The following HS6ST3 variants were observed in gnomAD, a reference collection of about 807,000 sequenced individuals.
HS6ST3 encodes heparan sulfate 6-O-sulfotransferase 3, also known as heparan-sulfate 6-O-sulfotransferase 3.
Under a neutral mutation model 36.7 loss-of-function variants are expected in HS6ST3, and 12 were observed. That is an observed-to-expected ratio of 0.33 (90% CI 0.21 to 0.53). HS6ST3 has a LOEUF of 0.53. Among genes scored for constraint, HS6ST3 ranks in the 20% least tolerant of loss-of-function variants. HS6ST3 has a pLI of 0.95. For missense variants in HS6ST3, 584 were observed against 640.9 expected, an observed-to-expected ratio of 0.91 and a Z score of 0.96; for synonymous variants, 240 against 257.5, an observed-to-expected ratio of 0.93 and a Z score of 0.65.
intron 1 of HS6ST3, among the ~76,000 whole-genome samples, chr13:96,261,729 T>A (rs2054667440): frequency 6.6e-6 from 1 of 152,174 alleles, no homozygotes; most frequent in Admixed American, 6.5e-5. Flanking sequence ...TTCTCCAAAG[T>A]GTGGCAATTG....
At chr13:96,253,398 G>A (rs765961738) in intron 1 of HS6ST3, among the ~76,000 whole-genome samples, 1 of 152,180 alleles carries the variant, frequency 6.6e-6, no homozygotes, top group Non-Finnish European at 1.5e-5. Context: ...GGCCAAGGGG[G>A]CCTTTCGTAC....
At chr13:96,201,353 G>A (rs916181656) in intron 1 of HS6ST3, among the ~76,000 whole-genome samples, 2 of 151,994 alleles carry the variant, frequency 1.3e-5, no homozygotes, top group Non-Finnish European at 2.9e-5. Context: ...GATTAGGCCA[G>A]TTGGGATAAT....
chr13:96,642,330 T>G (rs1214678282), intron 1 of HS6ST3, among the ~76,000 whole-genome samples: 2 of 151,926 alleles, frequency 1.3e-5, no homozygotes, highest in African/African-American at 4.8e-5. Context: ...TATCCTTGAC[T>G]TTTAGCCATT....
intron 1 of HS6ST3, among the ~76,000 whole-genome samples, chr13:96,476,316 G>C (rs761662574): frequency 2.0e-5 from 3 of 152,078 alleles, no homozygotes; most frequent in Admixed American, 1.3e-4. Context: ...GGGACAGAGA[G>C]CCAGAGAACT....
At chr13:96,429,192 A>G (rs1354379559) in intron 1 of HS6ST3, among the ~76,000 whole-genome samples, 2 of 152,238 alleles carry the variant, frequency 1.3e-5, no homozygotes, top group African/African-American at 4.8e-5. Context: ...AAACTTTACA[A>G]GAACAGCTTT....
chr13:96,329,486 C>G (rs1374960667), intron 1 of HS6ST3, among the ~76,000 whole-genome samples: 6 of 147,746 alleles, frequency 4.1e-5, no homozygotes, highest in African/African-American at 1.5e-4. Flanking sequence ...ATGTAGTTGA[C>G]CGGTTTTGAG....
At chr13:96,708,071 G>A (rs1192506564) in intron 1 of HS6ST3, among the ~76,000 whole-genome samples, 1 of 152,190 alleles carries the variant, frequency 6.6e-6, no homozygotes, top group African/African-American at 2.4e-5. Flanking sequence ...TAACTTCTAA[G>A]GATATTGGAT....
At chr13:96,407,829 A>C (rs188774317) in intron 1 of HS6ST3, among the ~76,000 whole-genome samples, 20 of 152,342 alleles carry the variant, frequency 1.3e-4, no homozygotes, top group Admixed American at 1.0e-3. Context: ...TAAGTAAATG[A>C]TGGGAATAAT....
At chr13:96,113,970 G>A (rs554122299) in intron 1 of HS6ST3, among the ~76,000 whole-genome samples, 7 of 152,056 alleles carry the variant, frequency 4.6e-5, no homozygotes, top group South Asian at 2.1e-4. Flanking sequence ...ATGAAGAGCC[G>A]CGTATTAGGA....
chr13:96,806,899 G>C (rs1878208207), intron 1 of HS6ST3, among the ~76,000 whole-genome samples: 1 of 152,142 alleles, frequency 6.6e-6, no homozygotes, highest in Non-Finnish European at 1.5e-5. Flanking sequence ...TGGGACAACT[G>C]CCTGTTAGAT....
chr13:96,321,799 A>C (rs1386719721), intron 1 of HS6ST3, among the ~76,000 whole-genome samples: 3 of 152,158 alleles, frequency 2.0e-5, no homozygotes, highest in Non-Finnish European at 2.9e-5. Flanking sequence ...ATGCAGATGA[A>C]TGTGGCCTGG....
chr13:96,663,946 G>A (rs963688727), intron 1 of HS6ST3, among the ~76,000 whole-genome samples: 1 of 152,098 alleles, frequency 6.6e-6, no homozygotes, highest in Non-Finnish European at 1.5e-5. Flanking sequence ...TATGGAGCTG[G>A]CAGATTAGTG....
At chr13:96,546,153 A>G (rs1402228901) in intron 1 of HS6ST3, among the ~76,000 whole-genome samples, 4 of 152,100 alleles carry the variant, frequency 2.6e-5, no homozygotes, top group African/African-American at 9.7e-5. Flanking sequence ...CTTGTAGTAT[A>G]GATAGTAGGT....
chr13:96,225,294 C>G (rs1047116762), intron 1 of HS6ST3, among the ~76,000 whole-genome samples: 8 of 152,190 alleles, frequency 5.3e-5, no homozygotes, highest in African/African-American at 1.9e-4. Flanking sequence ...GTCACCTACA[C>G]TAGGAGGTGT....
intron 1 of HS6ST3, among the ~76,000 whole-genome samples, chr13:96,349,375 T>G (rs1387315461): frequency 6.6e-6 from 1 of 152,330 alleles, no homozygotes; most frequent in Middle Eastern, 3.4e-3. Flanking sequence ...TGTGTGGTTC[T>G]TTTTTATTAG....
At chr13:96,378,714 G>A (rs146818918) in intron 1 of HS6ST3, among the ~76,000 whole-genome samples, 4 of 152,156 alleles carry the variant, frequency 2.6e-5, no homozygotes, top group Non-Finnish European at 5.9e-5. Flanking sequence ...GGCTGTGTCT[G>A]CTCACAGGTG....
intron 1 of HS6ST3, among the ~76,000 whole-genome samples, chr13:96,597,034 T>C (rs1299977977): frequency 6.6e-6 from 1 of 152,150 alleles, no homozygotes; most frequent in Non-Finnish European, 1.5e-5. Flanking sequence ...GCATGTTCTT[T>C]GGAGGGACAT....
At chr13:96,107,691 A>G (rs1298425957) in intron 1 of HS6ST3, among the ~76,000 whole-genome samples, 1 of 152,234 alleles carries the variant, frequency 6.6e-6, no homozygotes, top group Non-Finnish European at 1.5e-5. Flanking sequence ...GCAGAAGAAC[A>G]TAAATTGTGA....
At chr13:96,278,253 A>G (rs1594741078) in intron 1 of HS6ST3, among the ~76,000 whole-genome samples, 1 of 152,222 alleles carries the variant, frequency 6.6e-6, no homozygotes, top group Non-Finnish European at 1.5e-5. Context: ...ACTGTCTTGC[A>G]TTTTGTTTGT....
Sources: allele counts gnomAD v4.1 joint callset (sites outside exome capture counted in the v4.1 genomes callset), GRCh38; gene constraint gnomAD v4.1.1; transcripts MANE v1.5; gene names NCBI Gene and HGNC (gene_info 2026-07-23, HGNC 2026-07-21).